Variants in USF3 observed in about 807,000 individuals in gnomAD.
The protein encoded by USF3 is basic helix-loop-helix domain-containing protein USF3.
Under a neutral mutation model 157.5 loss-of-function variants are expected in USF3, and 29 were observed. The ratio of observed to expected loss-of-function variants is 0.18; its 90% CI spans 0.14 to 0.25. The LOEUF is 0.25. Ranked by LOEUF, USF3 falls within the 10% of genes least tolerant of loss-of-function variation. The probability of loss-of-function intolerance (pLI) is 1.00; values close to 1 mark genes in which losing one functional copy is unlikely to be tolerated. For missense variants in USF3, 2,381 were observed against 2,667.6 expected, an observed-to-expected ratio of 0.89 and a Z score of 2.37; for synonymous variants, 893 against 941.4, an observed-to-expected ratio of 0.95 and a Z score of 0.94.
chr3:113,676,402 G>A, intron 2 of USF3, among the ~76,000 whole-genome samples: 1 of 152,204 alleles, frequency 6.6e-6, no homozygotes, highest in Non-Finnish European at 1.5e-5. Flanking sequence ...CATGGTGGAA[G>A]GGGAAGCAAA....
chr3:113,660,894 G>T lies in USF3; in HGVS notation c.788C>A (p.Ser263Tyr), dbSNP rs1445150087. 1 of 1,614,032 alleles carries T rather than the reference G, an allele frequency of 6.2e-7. No homozygotes were observed. The highest frequency in any genetic ancestry group is 8.5e-7 in the Non-Finnish European group (1 of 1,179,996). The change falls in exon 7 of 7, where the codon TCT (serine) becomes TAT (tyrosine). Residue 263 changes from serine to tyrosine, a missense_variant. Transcript: ENST00000316407. ...CAAAGAATGATGTTGGTGAGGCTCA[G>T]ATTCAATTGAAACAGCAATCAGTGA... ...SGSLIAVSIE[S>Y]EPHQHHSLHT... is the part of the protein sequence containing the mutation.
Position 113,658,953 on chromosome 3 carries a change from T to C in USF3, c.2729A>G (p.Lys910Arg). 6.2e-7 allele frequency: 1 copy of C among 1,614,160 alleles called. No individual in the cohort carries two copies. The highest frequency in any genetic ancestry group is 8.5e-7 in the Non-Finnish European group (1 of 1,180,010). ...TTGTTGTAGATTAGGGGTAGAATCT[T>C]TGGATTTTGCTGCGGCCATTGCAAA... The part of the protein sequence containing the change: ...EHFAMAAAKS[K>R]DSTPNLQQET... The change falls in exon 7 of 7, where the codon AAA (lysine) becomes AGA (arginine). Residue 910 changes from lysine (K) to arginine (R), a missense_variant. Lys to Arg is a conservative substitution (Grantham distance 26). Coordinates refer to ENST00000316407, the MANE Select transcript of USF3 (RefSeq NM_001009899.4).
At position 113,658,153 on chromosome 3, in the gene USF3, T is replaced by C; in HGVS notation, c.3529A>G (p.Lys1177Glu). 2 of 1,614,194 alleles carry C rather than the reference T, an allele frequency of 1.2e-6. No individual in the cohort carries two copies. Among genetic ancestry groups the C allele is most frequent in the Non-Finnish European group, 1.7e-6 (2 of 1,180,036 alleles). ...ASLLEGDPPFKSQIPKESGTG... is the reference protein window; with the variant it reads ...ASLLEGDPPFESQIPKESGTG... ...CCACTCTCTTTAGGTATCTGTGATTTGAAGGGTGGGTCTCCCTCTAACAAT... is the reference window on the plus strand; with the variant it reads ...CCACTCTCTTTAGGTATCTGTGATTCGAAGGGTGGGTCTCCCTCTAACAAT... Residue 1177 changes from lysine (K) to glutamate (E), a missense_variant, in exon 7 of 7, where the codon AAA becomes GAA. Coordinates refer to ENST00000316407, the MANE Select transcript of USF3 (RefSeq NM_001009899.4).
rs577753864 is a variant in USF3, at chr3:113,680,115, G to A, written c.-134-2718C>T. Among the ~76,000 whole-genome samples the A allele has an allele frequency of 6.5e-4, 76 of 117,308 alleles. 1 individual carries two copies. Among genetic ancestry groups the A allele is most frequent in the African/African-American group, 2.4e-3 (74 of 30,608 alleles). 77.0% of individuals were successfully genotyped at this position (117,308 alleles called of 152,430 possible). On this transcript the variant is annotated intron_variant, in intron 1 of 6. Transcript: ENST00000316407. The stretch of plus-strand genomic sequence containing the variant: ...TTTGGTTTGGTATCAGGGTAACATT[G>A]GCTTCACAGAATGAATTCGAAGTAT...
At position 113,659,286 on chromosome 3, in the gene USF3, G is replaced by A; in HGVS notation, c.2396C>T (p.Pro799Leu). The A allele has an allele frequency of 6.2e-7, 1 of 1,614,162 alleles. No individual in the cohort carries two copies. Among genetic ancestry groups the A allele is most frequent in the Non-Finnish European group, 8.5e-7 (1 of 1,180,034 alleles). The change falls in exon 7 of 7, where the codon CCA becomes CTA. Residue 799 changes from proline (P) to leucine (L), a missense_variant. This residue lies in a region of USF3 where 1,435 missense variants were observed against 1,550.9 expected (regional missense o/e 0.93). Coordinates refer to ENST00000316407, the MANE Select transcript of USF3 (RefSeq NM_001009899.4). The part of the protein sequence containing the change: ...NMKSKRLNKK[P>L]GGRKHLAANK... ...TGCTGCTAAGTGTTTCCTGCCACCT[G>A]GCTTCTTATTCAACCTTTTAGATTT...
rs752645271 is a variant in USF3 at position 113,657,629 on chromosome 3, G to C, written c.4053C>G (p.Pro1351=). 125 of 1,614,074 alleles carry C rather than the reference G, an allele frequency of 7.7e-5. 1 individual carries two copies. Among genetic ancestry groups the C allele is most frequent in the African/African-American group, 1.6e-4 (12 of 74,920 alleles). ...TCAGGGACATACTTTCAAGCCTGAG[G>C]GGGGCTGGCTGACAGTGCTTTTGAC... ...AKRQKHCQPA[P]LRLESMSLMS... The change falls in exon 7 of 7, where the codon CCC becomes CCG. Residue 1351 remains proline, a synonymous_variant. Transcript: ENST00000316407.
At chr3:113,676,490 G>A (rs367622222) in intron 2 of USF3, among the ~76,000 whole-genome samples, 2 of 152,148 alleles carry the variant, frequency 1.3e-5, no homozygotes, top group Admixed American at 6.5e-5. Context: ...ATCATCTCAT[G>A]AGAACTCACT....
chr3:113,666,248 CTTTTTTTTTT>C (rs1232834885), intron 5 of USF3, among the ~76,000 whole-genome samples: 1 of 101,760 alleles, frequency 9.8e-6, no homozygotes, highest in South Asian at 3.4e-4. Flanking sequence ...AGACATCTTT[CTTTTTTTTTT>C]TTTTTTTTTT....
intron 4 of USF3, among the ~76,000 whole-genome samples, chr3:113,671,765 CTTTTTTTTTTTT>C (rs10686146): frequency 8.8e-6 from 1 of 113,154 alleles, no homozygotes; most frequent in Non-Finnish European, 1.8e-5. Context: ...TTTCTTCTTC[CTTTTTTTTTTTT>C]TTTTTTTTTG....
intron 1 of USF3, among the ~76,000 whole-genome samples, chr3:113,685,228 G>A (rs900844888): frequency 6.6e-6 from 1 of 152,100 alleles, no homozygotes; most frequent in Non-Finnish European, 1.5e-5. Context: ...TTCATGCTGA[G>A]CTGCCCGGAG....
intron 4 of USF3, among the ~76,000 whole-genome samples, chr3:113,670,878 A>AC (rs1487595162): frequency 6.6e-6 from 1 of 151,940 alleles, no homozygotes; most frequent in African/African-American, 2.4e-5. Flanking sequence ...AATAGCTGGG[A>AC]CCACAGGCAT....
chr3:113,692,367 C>T (rs186611683), intron 1 of USF3, among the ~76,000 whole-genome samples: 13 of 151,982 alleles, frequency 8.6e-5, no homozygotes, highest in Admixed American at 8.5e-4. Context: ...ATTGAGAATA[C>T]AAATATGTAA....
chr3:113,669,655 T>C (rs539778930), intron 5 of USF3, among the ~76,000 whole-genome samples: 2 of 138,824 alleles, frequency 1.4e-5, no homozygotes, highest in South Asian at 2.2e-4. Context: ...TCCTCATTAT[T>C]AGAAGGAACA....
chr3:113,668,309 T>C (rs1239696407), intron 5 of USF3, among the ~76,000 whole-genome samples: 1 of 152,034 alleles, frequency 6.6e-6, no homozygotes, highest in African/African-American at 2.4e-5. Context: ...AGAGTAAAAC[T>C]CTGCCTACTA....
intron 1 of USF3, among the ~76,000 whole-genome samples, chr3:113,687,267 C>CACA (rs373264306): frequency 0.17 from 24,221 of 141,138 alleles, 2,001 homozygotes; most frequent in Non-Finnish European, 0.19. Flanking sequence ...ACACACACAC[C>CACA]CCCTTTCTAG....
intron 1 of USF3, among the ~76,000 whole-genome samples, chr3:113,684,519 A>G (rs1420258323): frequency 6.6e-6 from 1 of 152,064 alleles, no homozygotes; most frequent in Non-Finnish European, 1.5e-5. Flanking sequence ...TATTTTCTAA[A>G]TCCTGTGGGC....
In USF3 at chr3:113,657,857, C is replaced by T. The variant is rs1383684780; in HGVS notation, c.3825G>A (p.Leu1275=). ...EQTTVPATVN[L]TVSSSSYGSQ... ...TGCCATAGGAGCTAGATGAAACGGT[C>T]AGATTAACCGTTGCAGGCACAGTTG... Residue 1275 remains leucine, a synonymous_variant, in exon 7 of 7, where the codon CTG becomes CTA. Coordinates refer to ENST00000316407, the MANE Select transcript of USF3 (RefSeq NM_001009899.4). 1 of 1,614,068 alleles carries T rather than the reference C, an allele frequency of 6.2e-7. No homozygotes were observed. Among genetic ancestry groups the T allele is most frequent in the Non-Finnish European group, 8.5e-7 (1 of 1,179,988 alleles).
chr3:113,659,731 T>A lies in USF3; in HGVS notation c.1951A>T (p.Thr651Ser), dbSNP rs1378200493. The A allele has an allele frequency of 6.2e-7, 1 of 1,614,056 alleles. No homozygotes were observed. The highest frequency in any genetic ancestry group is 8.5e-7 in the Non-Finnish European group (1 of 1,180,042). Residue 651 changes from threonine (T) to serine (S), a missense_variant, in exon 7 of 7, where the codon ACT (threonine) becomes TCT (serine). Physicochemically the swap from Thr to Ser is moderately conservative, Grantham distance 58 (BLOSUM62 1). Around this residue, in one of 6 missense-constraint regions of USF3, gnomAD observed 1,435 missense variants for 1,550.9 expected, o/e 0.93. Transcript: ENST00000316407. ...TGGTTTGACATGGTAACAGAAAAAG[T>A]TTGTGTTGAGTTAGACGCTGATAAA... is the stretch of plus-strand genomic sequence containing the variant. ...SSLSASNSTQ[T>S]FSVTMSNQQP... is the part of the protein sequence containing the mutation.
chr3:113,656,171 C>T lies in USF3; in HGVS notation c.5511G>A (p.Arg1837=). The change falls in exon 7 of 7, where the codon AGG becomes AGA. Residue 1837 remains arginine (R), a synonymous_variant. Coordinates refer to ENST00000316407, the MANE Select transcript of USF3 (RefSeq NM_001009899.4). ...HLSDQVIGSQ[R]SLSEHQRNTQ... is the part of the protein sequence containing the mutation. ...TATTCCTCTGATGTTCTGAGAGTGA[C>T]CTCTGGCTCCCAATGACCTGATCAC... is the stretch of plus-strand genomic sequence containing the variant. The T allele has an allele frequency of 1.9e-6, 3 of 1,614,114 alleles. No individual in the cohort carries two copies. The highest frequency in any genetic ancestry group is 2.7e-5 in the African/African-American group (2 of 75,010).
Sources: gnomAD v4.1 joint callset for allele counts (sites outside exome capture counted in the v4.1 genomes callset) on GRCh38, gnomAD v4.1.1 for gene constraint, gnomAD v4.1.1 regional missense constraint, MANE v1.5 for transcripts, NCBI Gene and HGNC (gene_info 2026-07-23, HGNC 2026-07-21) for gene names.